Variants in PDXDC1 observed in about 807,000 individuals in gnomAD.
PDXDC1 encodes the protein pyridoxal dependent decarboxylase domain containing 1.
Under a neutral mutation model 100.1 loss-of-function variants are expected in PDXDC1, and 42 were observed. That is an observed-to-expected ratio of 0.42 (90% CI 0.33 to 0.54). The LOEUF (loss-of-function observed/expected upper bound fraction) is 0.54. PDXDC1 is among the 20% of genes least tolerant of loss of function. The probability of loss-of-function intolerance (pLI) is 0.10; values close to 1 mark genes in which losing one functional copy is unlikely to be tolerated. For synonymous variants in PDXDC1, 260 were observed against 371.7 expected, an observed-to-expected ratio of 0.70 and a Z score of 3.46; for missense variants, 636 against 979.2, an observed-to-expected ratio of 0.65 and a Z score of 4.68.
rs1598051320 is a variant in PDXDC1 at position 15,097,555 on chromosome 16, T to C, written c.1400-41324T>C. Among the ~76,000 whole-genome samples, 4 of 143,576 alleles carry C rather than the reference T, an allele frequency of 2.8e-5. No individual in the cohort carries two copies. In the South Asian group the frequency reaches 8.9e-4, roughly 32 times the overall value. 94.2% of individuals were successfully genotyped at this position (143,576 alleles called of 152,430 possible). Reference sequence around the variant, plus strand: ...TACTTGGGAAGCTGAGGCAGGAGAATGGCATGAACCCGAGAGGTGGAGCTT... The same window carrying C: ...TACTTGGGAAGCTGAGGCAGGAGAACGGCATGAACCCGAGAGGTGGAGCTT... On this transcript the variant is annotated intron_variant, in intron 16 of 16. Transcript: ENST00000535621.
chr16:15,066,351 G>A (rs926329246), intron 16 of PDXDC1, among the ~76,000 whole-genome samples: 16 of 152,122 alleles, frequency 1.1e-4, no homozygotes, highest in Admixed American at 3.9e-4. Flanking sequence ...TAACACAGCC[G>A]GCTGGGCACG....
At chr16:14,999,582 G>T (rs1199392970) in intron 3 of PDXDC1, among the ~76,000 whole-genome samples, 1 of 152,208 alleles carries the variant, frequency 6.6e-6, no homozygotes, top group Non-Finnish European at 1.5e-5. Flanking sequence ...ATTATAACTG[G>T]TGTGTCATAC....
chr16:15,143,398 G>A (rs888004242), downstream of PDXDC1, among the ~76,000 whole-genome samples: 3 of 152,222 alleles, frequency 2.0e-5, no homozygotes, highest in Non-Finnish European at 4.4e-5. Context: ...AGGGCTGTGG[G>A]CAGCAGGGCC....
chr16:15,026,283 T>C lies in PDXDC1; in HGVS notation c.1141-360T>C, dbSNP rs7184518. 1,075 of 306,834 alleles carry C rather than the reference T, an allele frequency of 3.5e-3. 1 individual carries two copies. Among genetic ancestry groups the C allele is most frequent in the African/African-American group, 0.019 (885 of 46,134 alleles). 19.0% of individuals were successfully genotyped at this position (306,834 alleles called of 1,614,324 possible). On this transcript the variant is annotated intron_variant, in intron 13 of 22. Transcript: ENST00000396410. ...AATAAATCCTGCATAATTTCTGGGA[T>C]TCTTGAAAGCATGGGCTCTCTCCGC...
chr16:14,982,506 C>T (rs1199074807), intron 1 of PDXDC1, among the ~76,000 whole-genome samples: 2 of 152,264 alleles, frequency 1.3e-5, no homozygotes, highest in African/African-American at 4.8e-5. Flanking sequence ...GCCTGTAGTC[C>T]CAGCTACTCA....
chr16:15,033,050 G>T (rs1421533385), intron 18 of PDXDC1, 71 bp downstream of exon 18: 1 of 1,081,150 alleles, frequency 9.2e-7, no homozygotes, highest in Non-Finnish European at 1.4e-6. Flanking sequence ...GAAGACGACG[G>T]CTCATCCCTT....
At chr16:15,127,720 A>G in intron 16 of PDXDC1, 2 of 1,507,698 alleles carry the variant, frequency 1.3e-6, no homozygotes, top group Non-Finnish European at 1.8e-6. Flanking sequence ...CCCGTACCAC[A>G]CGGCGTTGGC....
chr16:15,092,135 C>T (rs1263148502), intron 16 of PDXDC1, among the ~76,000 whole-genome samples: 2 of 152,142 alleles, frequency 1.3e-5, no homozygotes, highest in African/African-American at 2.4e-5. Context: ...GCCGAGGTCA[C>T]GCCACTGCAC....
chr16:15,017,287 A>G (rs2041863091), intron 10 of PDXDC1, 34 bp from the exon 11 acceptor site: 1 of 1,591,576 alleles, frequency 6.3e-7, no homozygotes, highest in South Asian at 1.1e-5. Context: ...GTGTATTCTG[A>G]TAATCTAACA....
intron 16 of PDXDC1, chr16:15,061,670 A>AC: frequency 6.9e-7 from 1 of 1,447,704 alleles, no homozygotes; most frequent in Non-Finnish European, 9.5e-7. Context: ...GCCCAATGGC[A>AC]CAAGCTGGGT....
rs560215276 is a variant in PDXDC1, at chr16:15,024,815, C to G, written c.1141-1828C>G. Among the ~76,000 whole-genome samples the G allele has an allele frequency of 4.6e-5, 7 of 152,418 alleles. No homozygotes were observed. In the East Asian group the frequency reaches 1.3e-3, roughly 29 times the overall value. ...TTCCTGGCCACCCTAAGATCATCTCCCACCGTCAGACATCACTCCATCCCC... is the reference window on the plus strand; with the variant it reads ...TTCCTGGCCACCCTAAGATCATCTCGCACCGTCAGACATCACTCCATCCCC... On this transcript the variant is annotated intron_variant, in intron 13 of 22. Transcript: ENST00000396410.
intron 16 of PDXDC1, among the ~76,000 whole-genome samples, chr16:15,124,177 G>C (rs908296422): frequency 1.3e-5 from 2 of 152,136 alleles, no homozygotes; most frequent in African/African-American, 4.8e-5. Flanking sequence ...TGTGTGATGG[G>C]TGGGGAGCTC....
chr16:15,083,425 G>A, intron 16 of PDXDC1: 1 of 1,558,876 alleles, frequency 6.4e-7, no homozygotes, highest in East Asian at 2.3e-5. Context: ...AAGAAAGACT[G>A]GAAAAGAAAG....
In PDXDC1 at chr16:15,037,101, C is replaced by A. The variant is rs971425712; in HGVS notation, c.*826C>A. 1 of 152,204 alleles carries A rather than the reference C, an allele frequency of 6.6e-6. No homozygotes were observed. The highest frequency in any genetic ancestry group is 1.5e-5 in the Non-Finnish European group (1 of 68,040). 9.4% of individuals were successfully genotyped at this position (152,204 alleles called of 1,614,324 possible). ...TACGTAGCACCCACCTGGTTAAAAT[C>A]TGAAAACAAGTACCCCTTTGACCTG... On this transcript the variant is annotated 3_prime_UTR_variant, in exon 23 of 23. Coordinates refer to ENST00000396410, the MANE Select transcript of PDXDC1 (RefSeq NM_015027.4).
rs137900305 is a variant in PDXDC1 at position 14,991,636 on chromosome 16, A to G, written c.22-6117A>G. ...TGGGCTCAAGCAATCCTCTTGCCTC[A>G]GCCTCCTGAGTAGCTGAGACCAGAG... On this transcript the variant is annotated intron_variant, in intron 1 of 22. Transcript: ENST00000396410. 8.6e-4 allele frequency among the ~76,000 whole-genome samples: 130 copies of G among 151,168 alleles called. 1 individual carries two copies. The East Asian group carries it at 0.021, about 24-fold the overall frequency.
intron 1 of PDXDC1, among the ~76,000 whole-genome samples, chr16:14,979,295 G>A (rs1258044966): frequency 2.8e-5 from 4 of 144,586 alleles, no homozygotes; most frequent in South Asian, 2.4e-4. Flanking sequence ...CTGGCAATTC[G>A]TGTTTTTTTT....
the PDXDC1 span, among the ~76,000 whole-genome samples, chr16:15,150,515 A>T: frequency 1.3e-5 from 2 of 151,560 alleles, no homozygotes; most frequent in African/African-American, 2.4e-5. Flanking sequence ...AAATATTTTT[A>T]AAAATTAGCC....
rs749680121 is a variant in PDXDC1, at chr16:15,104,569, C to G, written c.1400-34310C>G. On this transcript the variant is annotated intron_variant, in intron 16 of 16. Coordinates refer to the PDXDC1 transcript ENST00000535621. Reference sequence around the variant, plus strand: ...GGAGGTGTCTTGAGATTATCATCCGCTGAGGGTGGAAGGGGATAGAGCAGA... The same window carrying G: ...GGAGGTGTCTTGAGATTATCATCCGGTGAGGGTGGAAGGGGATAGAGCAGA... 7 of 1,598,848 alleles carry G rather than the reference C, an allele frequency of 4.4e-6. No homozygotes were observed. The South Asian group carries it at 6.6e-5, about 15-fold the overall frequency.
At chr16:15,001,632 T>C (rs1360660908) in intron 3 of PDXDC1, 144 bp from the exon 4 acceptor site, 1 of 578,390 alleles carries the variant, frequency 1.7e-6, no homozygotes, top group Non-Finnish European at 3.0e-6. Flanking sequence ...AAGCATAAAC[T>C]ATATACCACG....
Sources: gnomAD v4.1 joint callset for allele counts (sites outside exome capture counted in the v4.1 genomes callset) on GRCh38, gnomAD v4.1.1 for gene constraint, MANE v1.5 for transcripts, NCBI Gene and HGNC (gene_info 2026-07-23, HGNC 2026-07-21) for gene names.